SLC25A26: variants seen among roughly 807,000 people sequenced by gnomAD.
SLC25A26 encodes the protein mitochondrial S-adenosylmethionine carrier protein.
Under a neutral mutation model 37.8 loss-of-function variants are expected in SLC25A26, and 36 were observed. The observed-to-expected ratio is 0.95, with a 90% CI of 0.73 to 1.26. SLC25A26 has a LOEUF of 1.26. Ranked by LOEUF, SLC25A26 falls within the 50% of genes most tolerant of loss-of-function variation. The pLI is 0.00. For synonymous variants in SLC25A26, 129 were observed against 122.5 expected (o/e 1.05, Z -0.35); for missense variants, 390 against 331.1 (o/e 1.18, Z -1.38).
chr3:66,189,670 C>A (rs2070898989), intron 1 of SLC25A26, among the ~76,000 whole-genome samples: 1 of 152,060 alleles, frequency 6.6e-6, no homozygotes, highest in Non-Finnish European at 1.5e-5. Context: ...TTTCTTTTCT[C>A]TTTTCTTTTC....
chr3:66,176,005 G>GT (rs2070581053), intron 1 of SLC25A26, among the ~76,000 whole-genome samples: 2 of 146,756 alleles, frequency 1.4e-5, no homozygotes, highest in African/African-American at 5.0e-5. Flanking sequence ...AACAGTAATG[G>GT]TTGTTAAATT....
At chr3:66,273,931 C>T (rs929398072) in intron 5 of SLC25A26, among the ~76,000 whole-genome samples, 10 of 152,086 alleles carry the variant, frequency 6.6e-5, no homozygotes, top group Middle Eastern at 3.4e-3. Context: ...AAAAAGAGCC[C>T]GCATCGCCAA....
chr3:66,206,670 T>A (rs2071181704), intron 1 of SLC25A26, among the ~76,000 whole-genome samples: 1 of 151,784 alleles, frequency 6.6e-6, no homozygotes, highest in Non-Finnish European at 1.5e-5. Flanking sequence ...TCAGTTAACA[T>A]ATTTGCATCG....
In SLC25A26 at chr3:66,377,868, T is replaced by A; in HGVS notation, c.*61T>A. The A allele has an allele frequency of 8.1e-7, 1 of 1,241,688 alleles. No homozygotes were observed. Among genetic ancestry groups the A allele is most frequent in the Non-Finnish European group, 1.2e-6 (1 of 844,462 alleles). The allele number at this position is 1,241,688 out of a possible 1,614,324, so 76.9% of individuals were successfully genotyped here. ...GAGGGGCCTGCAGTGCAAACCCTCT[T>A]CCGCTGAGCAGCTGTCTGAACTATA... On this transcript the variant is annotated 3_prime_UTR_variant, in exon 10 of 10. Transcript: ENST00000354883.
upstream of SLC25A26, among the ~76,000 whole-genome samples, chr3:66,219,511 T>C (rs936888887): frequency 7.2e-5 from 11 of 152,250 alleles, no homozygotes; most frequent in African/African-American, 1.9e-4. Flanking sequence ...GAGATTCTTC[T>C]GCTGGCATTG....
intron 3 of SLC25A26, among the ~76,000 whole-genome samples, chr3:66,257,184 T>C (rs2073337225): frequency 6.6e-6 from 1 of 151,990 alleles, no homozygotes; most frequent in East Asian, 1.9e-4. Flanking sequence ...AGGGAATCTT[T>C]TGAGGTTAGA....
chr3:66,249,810 G>T (rs2073008416), intron 3 of SLC25A26, among the ~76,000 whole-genome samples: 1 of 152,168 alleles, frequency 6.6e-6, no homozygotes, highest in Admixed American at 6.5e-5. Flanking sequence ...GATGGCAATT[G>T]CTTGTATATA....
intron 3 of SLC25A26, among the ~76,000 whole-genome samples, chr3:66,246,820 C>A (rs772266422): frequency 1.3e-5 from 2 of 152,176 alleles, no homozygotes; most frequent in African/African-American, 2.4e-5. Flanking sequence ...GTAGCTGAGA[C>A]TACTGGTGTG....
chr3:66,239,079 T>C (rs971567777), intron 2 of SLC25A26, among the ~76,000 whole-genome samples: 3 of 152,212 alleles, frequency 2.0e-5, no homozygotes, highest in Non-Finnish European at 2.9e-5. Context: ...ATCAGAACCT[T>C]TCTGCTCGAT....
At chr3:66,181,046 A>G (rs1447719867) in intron 1 of SLC25A26, among the ~76,000 whole-genome samples, 5 of 152,106 alleles carry the variant, frequency 3.3e-5, no homozygotes, top group South Asian at 4.2e-4. Flanking sequence ...CCAGAAACCA[A>G]CCCTGCTGGT....
At chr3:66,281,491 T>A (rs1394957982) in intron 5 of SLC25A26, among the ~76,000 whole-genome samples, 2 of 152,214 alleles carry the variant, frequency 1.3e-5, no homozygotes, top group African/African-American at 4.8e-5. Context: ...ATTTGTTAGC[T>A]GGCATTCTTC....
intron 1 of SLC25A26, among the ~76,000 whole-genome samples, chr3:66,226,113 T>G (rs1194832993): frequency 6.6e-6 from 1 of 152,186 alleles, no homozygotes; most frequent in Non-Finnish European, 1.5e-5. Context: ...TATTAGTCTG[T>G]TCTCACACTG....
At chr3:66,283,118 T>C (rs146617212) in intron 5 of SLC25A26, among the ~76,000 whole-genome samples, 1 of 152,346 alleles carries the variant, frequency 6.6e-6, no homozygotes, top group Non-Finnish European at 1.5e-5. Flanking sequence ...GAAGGACATT[T>C]GACTTCTTTT....
intron 5 of SLC25A26, among the ~76,000 whole-genome samples, chr3:66,286,567 C>T (rs549855441): frequency 4.6e-5 from 7 of 152,198 alleles, no homozygotes; most frequent in African/African-American, 1.7e-4. Flanking sequence ...ATATAGGTTC[C>T]AAGCAATGTC....
intron 1 of SLC25A26, among the ~76,000 whole-genome samples, chr3:66,193,778 T>C (rs1466689196): frequency 4.6e-5 from 7 of 152,188 alleles, no homozygotes; most frequent in Admixed American, 3.9e-4. Flanking sequence ...TAGAAACTCA[T>C]GGTAATGCTT....
chr3:66,367,897 G>A (rs1264085540), intron 7 of SLC25A26, among the ~76,000 whole-genome samples: 1 of 152,228 alleles, frequency 6.6e-6, no homozygotes, highest in Non-Finnish European at 1.5e-5. Context: ...GATAGGAGAT[G>A]AAGAGTTTTA....
chr3:66,259,180 T>C (rs1421786565), intron 3 of SLC25A26, among the ~76,000 whole-genome samples: 2 of 152,204 alleles, frequency 1.3e-5, no homozygotes, highest in Admixed American at 1.3e-4. Flanking sequence ...AAGGCAGGTG[T>C]GCCCTGCAAC....
intron 5 of SLC25A26, among the ~76,000 whole-genome samples, chr3:66,279,353 A>C (rs1441708917): frequency 6.6e-6 from 1 of 152,176 alleles, no homozygotes; most frequent in African/African-American, 2.4e-5. Context: ...ATAGTGGTTC[A>C]GACCAGGGCT....
intron 1 of SLC25A26, among the ~76,000 whole-genome samples, chr3:66,150,154 A>G (rs924415479): frequency 6.6e-6 from 1 of 152,138 alleles, no homozygotes; most frequent in Non-Finnish European, 1.5e-5. Context: ...TGACTTTATT[A>G]AAAGGTAGTG....
Sources: allele counts gnomAD v4.1 joint callset (sites outside exome capture counted in the v4.1 genomes callset), GRCh38; gene constraint gnomAD v4.1.1; transcripts MANE v1.5; gene names NCBI Gene and HGNC (gene_info 2026-07-23, HGNC 2026-07-21).